MOBP: variants seen among roughly 807,000 people sequenced by gnomAD.
MOBP encodes myelin associated oligodendrocyte basic protein.
MOBP carries 5 observed loss-of-function variants against 15.0 expected under a neutral mutation model. The observed-to-expected ratio is 0.33, with a 90% CI of 0.17 to 0.70. The LOEUF is 0.70. Among genes scored for constraint, MOBP ranks in the 30% least tolerant of loss-of-function variants. The pLI is 0.67. For missense variants in MOBP, 188 were observed against 257.8 expected (o/e 0.73, Z 1.85); for synonymous variants, 88 against 99.0 (o/e 0.89, Z 0.66).
downstream of MOBP, among the ~76,000 whole-genome samples, chr3:39,503,635 A>G (rs2043009084): frequency 7.1e-6 from 1 of 140,592 alleles, no homozygotes; most frequent in Admixed American, 7.4e-5. Flanking sequence ...TTCTTGCCCC[A>G]ATACACACAT....
chr3:39,510,474 T>C (rs1294888008), intron 4 of MOBP, among the ~76,000 whole-genome samples: 1 of 152,176 alleles, frequency 6.6e-6, no homozygotes. Context: ...TCTCTATTTA[T>C]TTAGGTCTTT....
chr3:39,494,483 C>T (rs2042846080), intron 2 of MOBP, among the ~76,000 whole-genome samples: 2 of 151,284 alleles, frequency 1.3e-5, no homozygotes, highest in Non-Finnish European at 2.9e-5. Flanking sequence ...TTTTTTTCCT[C>T]ATCCTGCCAG....
chr3:39,517,585 C>A (rs1044851559), downstream of MOBP: 1 of 152,194 alleles, frequency 6.6e-6, no homozygotes, highest in African/African-American at 2.4e-5. Context: ...TTCACGAATG[C>A]AACAAATATT....
chr3:39,481,369 A>G (rs1417045608), intron 2 of MOBP, among the ~76,000 whole-genome samples: 1 of 152,210 alleles, frequency 6.6e-6, no homozygotes, highest in Non-Finnish European at 1.5e-5. Flanking sequence ...CGGAGACTTC[A>G]TACTGTCAAA....
rs2042986949 is a variant in MOBP at position 39,502,488 on chromosome 3, A to G, written c.207-47A>G. The G allele has an allele frequency of 3.2e-6, 5 of 1,546,828 alleles. No homozygotes were observed. The highest frequency in any genetic ancestry group is 4.3e-6 in the Non-Finnish European group (5 of 1,153,660). On this transcript the variant is annotated intron_variant, in intron 3 of 3. Transcript: ENST00000684792. This position sits in a 1 kb window ranked among gnomAD's most constrained non-coding sequence, Gnocchi z 6.3. ...CTCCTGCCAGCGTCGCTTAAGCAGC[A>G]GAGGAGAGCCCTGGCTCCCGCCTCC...
intron 3 of MOBP, among the ~76,000 whole-genome samples, chr3:39,521,605 G>A (rs921140449): frequency 6.6e-6 from 1 of 152,168 alleles, no homozygotes; most frequent in Middle Eastern, 3.4e-3. Context: ...AAATTCATGG[G>A]CAAGTCTACT....
chr3:39,520,985 TA>T (rs2043259700), downstream of MOBP, among the ~76,000 whole-genome samples: 1 of 152,094 alleles, frequency 6.6e-6, no homozygotes, highest in South Asian at 2.1e-4. Flanking sequence ...CTTGCTCTGT[TA>T]CTCAGGCTGG....
chr3:39,513,994 A>G (rs1040436951), exon 5 of MOBP: 1 of 152,916 alleles, frequency 6.5e-6, no homozygotes, highest in Admixed American at 6.5e-5. Context: ...TTTCTGAGTA[A>G]GATATTAGGC....
intron 1 of MOBP, among the ~76,000 whole-genome samples, chr3:39,469,229 C>CATGTGTGTGTATATACAT (rs1559412371): frequency 4.4e-5 from 5 of 113,764 alleles, no homozygotes; most frequent in Non-Finnish European, 7.0e-5. Flanking sequence ...TACATATATA[C>CATGTGTGTGTATATACAT]ATATGTGTGT....
intron 2 of MOBP, among the ~76,000 whole-genome samples, chr3:39,500,828 T>G (rs531631375): frequency 1.1e-4 from 17 of 152,326 alleles, no homozygotes; most frequent in African/African-American, 4.1e-4. Flanking sequence ...GAAAACTTTC[T>G]GGGAAAAATA....
downstream of MOBP, chr3:39,526,773 C>CTTTTTTTT (rs5848517): frequency 9.2e-6 from 1 of 108,950 alleles, no homozygotes; most frequent in Non-Finnish European, 1.7e-5. Context: ...TCCTTCCTTC[C>CTTTTTTTT]TTTTTTTTTT....
downstream of MOBP, among the ~76,000 whole-genome samples, chr3:39,518,131 T>A (rs78585897): frequency 0.015 from 2,308 of 152,312 alleles, 43 homozygotes; most frequent in African/African-American, 0.052. Flanking sequence ...GCATATGCAC[T>A]CTCTTAAGAG....
chr3:39,468,151 A>G (rs2042370364), intron 1 of MOBP, among the ~76,000 whole-genome samples: 4 of 151,518 alleles, frequency 2.6e-5, no homozygotes, highest in African/African-American at 9.7e-5. Flanking sequence ...CTTCTTATCT[A>G]GGAACAATTT....
downstream of MOBP, chr3:39,525,039 C>T (rs754057583): frequency 6.6e-6 from 1 of 152,040 alleles, no homozygotes; most frequent in Admixed American, 6.5e-5. Context: ...CATAAGGTCT[C>T]ACACTTTTCT....
exon 5 of MOBP, chr3:39,514,938 C>A (rs938545255): frequency 1.3e-5 from 2 of 151,282 alleles, no homozygotes; most frequent in African/African-American, 4.9e-5. Context: ...CCTTAGATCA[C>A]CTTGTGCTCC....
intron 1 of MOBP, among the ~76,000 whole-genome samples, chr3:39,474,148 G>T (rs2042509662): frequency 6.6e-6 from 1 of 152,160 alleles, no homozygotes; most frequent in Non-Finnish European, 1.5e-5. Flanking sequence ...AGGGATTTGA[G>T]AGTTCCTACT....
chr3:39,492,587 G>T (rs147486085), intron 2 of MOBP, among the ~76,000 whole-genome samples: 5 of 152,148 alleles, frequency 3.3e-5, no homozygotes, highest in African/African-American at 1.2e-4. Flanking sequence ...AAAAAAAGTT[G>T]TGCTTTTTTT....
At chr3:39,483,036 T>C (rs941220887) in intron 2 of MOBP, among the ~76,000 whole-genome samples, 19 of 152,194 alleles carry the variant, frequency 1.2e-4, no homozygotes, top group African/African-American at 4.6e-4. Context: ...TTGCCACCTG[T>C]ACTTTTCCTT....
chr3:39,508,157 T>C (rs2043070493), intron 4 of MOBP, among the ~76,000 whole-genome samples: 1 of 152,204 alleles, frequency 6.6e-6, no homozygotes, highest in Admixed American at 6.5e-5. Context: ...TATAGTTCAA[T>C]TGCATGCATT....
Sources: allele counts gnomAD v4.1 joint callset (sites outside exome capture counted in the v4.1 genomes callset), GRCh38; gene constraint gnomAD v4.1.1; non-coding constraint Gnocchi (gnomAD v3.1); transcripts MANE v1.5; gene names NCBI Gene and HGNC (gene_info 2026-07-23, HGNC 2026-07-21).